The following BRCA1 variants were observed in gnomAD, a reference collection of about 807,000 sequenced individuals.
BRCA1 encodes the protein BRCA1 DNA repair associated.
BRCA1 carries 140 observed loss-of-function variants against 173.7 expected under a neutral mutation model. The ratio of observed to expected loss-of-function variants is 0.81; its 90% CI spans 0.70 to 0.93. BRCA1 has a LOEUF of 0.93. BRCA1 is among the 40% of genes least tolerant of loss of function. BRCA1 has a pLI of 0.00. For synonymous variants in BRCA1, 662 were observed against 756.0 expected (o/e 0.88, Z 2.04); for missense variants, 1,983 against 2,172.5 (o/e 0.91, Z 1.73).
At chr17:43,057,611 G>A (rs1175136085) in intron 18 of BRCA1, among the ~76,000 whole-genome samples, 6 of 151,902 alleles carry the variant, frequency 3.9e-5, no homozygotes, top group African/African-American at 9.7e-5. Flanking sequence ...CGAGACAGGC[G>A]GATCACGAGG....
At chr17:43,061,585 CTT>C (rs869125411) in intron 18 of BRCA1, among the ~76,000 whole-genome samples, 31 of 142,458 alleles carry the variant, frequency 2.2e-4, no homozygotes, top group Admixed American at 2.1e-4. Flanking sequence ...TATAAAATTA[CTT>C]TTTTTTTTTT....
chr17:43,051,144 A>C lies in BRCA1; in HGVS notation c.5278-27T>G, dbSNP rs1443477823. 5 of 1,601,048 alleles carry C rather than the reference A, an allele frequency of 3.1e-6. No homozygotes were observed. Among genetic ancestry groups the C allele is most frequent in the Non-Finnish European group, 4.3e-6 (5 of 1,168,166 alleles). On this transcript the variant is annotated intron_variant, in intron 19 of 22. Transcript: ENST00000357654. ...TGGAAGAAGAGAGGAAGAGAGAGGG[A>C]CAGGGGAATGGAGAGAAGGAAAATC...
intron 12 of BRCA1, among the ~76,000 whole-genome samples, chr17:43,079,076 T>C (rs1029513357): frequency 9.2e-5 from 14 of 152,104 alleles, no homozygotes; most frequent in Non-Finnish European, 1.6e-4. Context: ...GGCGGGTGCC[T>C]GTAATCCCAG....
chr17:43,106,925 G>T (rs1200126165), intron 3 of BRCA1, among the ~76,000 whole-genome samples: 1 of 152,080 alleles, frequency 6.6e-6, no homozygotes, highest in Non-Finnish European at 1.5e-5. Flanking sequence ...TCACCACAAA[G>T]CTATAGTAAT....
chr17:43,074,450 T>C lies in BRCA1; in HGVS notation c.4556A>G (p.Asn1519Ser), dbSNP rs766962460. ...YMHSCSGSLQ[N>S]RNYPSQEELI... ...CTCCTCTTGAGATGGGTAGTTTCTATTCTGAAGACTCCCAGAGCAACTGTG... is the reference window on the plus strand; with the variant it reads ...CTCCTCTTGAGATGGGTAGTTTCTACTCTGAAGACTCCCAGAGCAACTGTG... The change falls in exon 14 of 23, where the codon AAT becomes AGT. Residue 1519 changes from asparagine to serine, a missense_variant. Physicochemically the swap from Asn to Ser is conservative, Grantham distance 46. Transcript: ENST00000357654. The C allele has an allele frequency of 1.2e-6, 2 of 1,614,172 alleles. No individual in the cohort carries two copies.
intron 10 of BRCA1, 59 bp from the exon 11 acceptor site, chr17:43,091,091 CTG>C (rs1343420727): frequency 2.7e-6 from 4 of 1,460,208 alleles, no homozygotes; most frequent in Admixed American, 1.9e-5. Flanking sequence ...CTGCAACTTG[CTG>C]TGTCTTTTTC....
In BRCA1 at chr17:43,049,048, C is replaced by T. The variant is rs1157983067; in HGVS notation, c.5406+73G>A. The T allele has an allele frequency of 2.8e-6, 4 of 1,446,002 alleles. No homozygotes were observed. In the Admixed American group the frequency reaches 7.0e-5, roughly 25 times the overall value. 89.6% of individuals were successfully genotyped at this position (1,446,002 alleles called of 1,614,324 possible). A position where few individuals can be genotyped will look rare whatever the true frequency, so the allele number is the denominator to read the frequency against. ...GCTACAGTAGGGGCATCCATAGGGACTGACAGGTGCCAGTCTTGCTCACAG... is the reference window on the plus strand; with the variant it reads ...GCTACAGTAGGGGCATCCATAGGGATTGACAGGTGCCAGTCTTGCTCACAG... On this transcript the variant is annotated intron_variant, in intron 21 of 22. Transcript: ENST00000357654.
intron 12 of BRCA1, among the ~76,000 whole-genome samples, chr17:43,080,641 C>T (rs2052962829): frequency 6.6e-6 from 1 of 150,944 alleles, no homozygotes; most frequent in Non-Finnish European, 1.5e-5. Context: ...CTTGTCTCTA[C>T]AAAAAATAAA....
At chr17:43,068,202 AG>A (rs1475273548) in intron 15 of BRCA1, among the ~76,000 whole-genome samples, 8 of 151,752 alleles carry the variant, frequency 5.3e-5, no homozygotes, top group African/African-American at 1.9e-4. Flanking sequence ...GCGTGAACCC[AG>A]GAAGCAGAGC....
chr17:43,159,267 T>C (rs554517527), intron 1 of BRCA1, among the ~76,000 whole-genome samples: 1 of 152,360 alleles, frequency 6.6e-6, no homozygotes, highest in East Asian at 1.9e-4. Context: ...TGCATTTCAC[T>C]GTATGTAAAT....
intron 7 of BRCA1, among the ~76,000 whole-genome samples, chr17:43,098,663 G>A (rs2054238549): frequency 6.6e-6 from 1 of 151,446 alleles, no homozygotes. Context: ...CACCGCACCG[G>A]CCAAAAATGT....
At position 43,098,217 on chromosome 17, in the gene BRCA1, G is replaced by A. The variant is rs576562896; in HGVS notation, c.548-928C>T. On this transcript the variant is annotated intron_variant, in intron 7 of 22. Coordinates refer to ENST00000357654, the MANE Select transcript of BRCA1 (RefSeq NM_007294.4). ...TTTAAAAAAGAAATTTTTTTGTAGA[G>A]ATGAGGTCTTGCTATGTTGCCCAGG... 2.6e-5 allele frequency among the ~76,000 whole-genome samples: 4 copies of A among 151,956 alleles called. No homozygotes were observed. In the East Asian group the frequency reaches 7.7e-4, roughly 29 times the overall value.
chr17:43,095,607 A>C lies in BRCA1; in HGVS notation c.670+239T>G, dbSNP rs528715943. Among the ~76,000 whole-genome samples, 347 of 151,958 alleles carry C rather than the reference A, an allele frequency of 2.3e-3. 2 individuals are homozygous for C. The highest frequency in any genetic ancestry group is 0.01 in the Middle Eastern group (3 of 294). On this transcript the variant is annotated intron_variant, in intron 9 of 22. Coordinates refer to ENST00000357654, the MANE Select transcript of BRCA1 (RefSeq NM_007294.4). ...AAAAAAAAACAAACAAACAAACAAAAAAAAAAACGAAAGGGCAACAATCAG... is the reference window on the plus strand; with the variant it reads ...AAAAAAAAACAAACAAACAAACAAACAAAAAAACGAAAGGGCAACAATCAG...
At chr17:43,071,313 T>C in intron 14 of BRCA1, 75 bp from the exon 15 acceptor site, 1 of 1,530,722 alleles carries the variant, frequency 6.5e-7, no homozygotes, top group Non-Finnish European at 9.0e-7. Flanking sequence ...CTGTTAAGAA[T>C]TAAAAAGACC....
At position 43,087,455 on chromosome 17, in the gene BRCA1, G is replaced by A. The variant is rs8176171; in HGVS notation, c.4185+3489C>T. ...AGGTGGGTGGATCACTTGAGGCCAG[G>A]AGTTTGAGACCAGCCTGGTCAACAT... On this transcript the variant is annotated intron_variant, in intron 11 of 22. Transcript: ENST00000357654. Among the ~76,000 whole-genome samples, 45,882 of 151,890 alleles carry A rather than the reference G, an allele frequency of 0.3. 7,448 individuals are homozygous for A. The highest frequency in any genetic ancestry group is 0.49 in the South Asian group (2,374 of 4,818).
chr17:43,111,428 G>A (rs2055028276), intron 3 of BRCA1, among the ~76,000 whole-genome samples: 1 of 152,060 alleles, frequency 6.6e-6, no homozygotes, highest in African/African-American at 2.4e-5. Context: ...GCTGAGGCAG[G>A]AGATTTGCTT....
intron 1 of BRCA1, among the ~76,000 whole-genome samples, chr17:43,151,576 GT>G (rs567513959): frequency 1.3e-5 from 2 of 152,044 alleles, no homozygotes; most frequent in South Asian, 2.1e-4. Context: ...TGTGCTAAAA[GT>G]TTTTTTTCCC....
At chr17:43,155,912 G>A (rs1212506307) in intron 1 of BRCA1, among the ~76,000 whole-genome samples, 3 of 152,104 alleles carry the variant, frequency 2.0e-5, no homozygotes, top group Non-Finnish European at 4.4e-5. Flanking sequence ...CAAGAATGTG[G>A]TTCTTTTCAT....
intron 12 of BRCA1, chr17:43,079,221 G>A (rs902145030): frequency 3.7e-6 from 3 of 800,292 alleles, no homozygotes; most frequent in Admixed American, 4.1e-5. Flanking sequence ...AAGGCAGAGG[G>A]AAGGCTCAGA....
Sources: allele counts gnomAD v4.1 joint callset (sites outside exome capture counted in the v4.1 genomes callset), GRCh38; gene constraint gnomAD v4.1.1; transcripts MANE v1.5; gene names NCBI Gene and HGNC (gene_info 2026-07-23, HGNC 2026-07-21).